Variants in PRDM16 observed in about 807,000 individuals in gnomAD.
The protein encoded by PRDM16 is histone-lysine N-methyltransferase PRDM16.
In PRDM16, 23 loss-of-function variants were observed where a neutral mutation model predicts 110.6. That is an observed-to-expected ratio of 0.21 (90% CI 0.15 to 0.29). PRDM16 has a LOEUF of 0.29. PRDM16 is among the 10% of genes least tolerant of loss of function. The probability of loss-of-function intolerance (pLI) is 1.00; values close to 1 mark genes in which losing one functional copy is unlikely to be tolerated. For missense variants in PRDM16, 1,615 were observed against 1,794.3 expected (o/e 0.90, Z 1.81); for synonymous variants, 799 against 781.8 (o/e 1.02, Z -0.37).
chr1:3,361,830 G>A (rs1026423691), intron 3 of PRDM16, among the ~76,000 whole-genome samples: 1 of 150,416 alleles, frequency 6.6e-6, no homozygotes, highest in Non-Finnish European at 1.5e-5. Context: ...AGAAGTGACT[G>A]TGGCCCAGGA....
chr1:3,422,245 A>C (rs1344513640), intron 12 of PRDM16, among the ~76,000 whole-genome samples: 2 of 150,262 alleles, frequency 1.3e-5, no homozygotes, highest in African/African-American at 4.9e-5. Context: ...GCAGACAGGC[A>C]AGAAGGCAGA....
intron 3 of PRDM16, among the ~76,000 whole-genome samples, chr1:3,337,203 GTCTC>G (rs893283101): frequency 1.3e-5 from 2 of 151,218 alleles, no homozygotes; most frequent in African/African-American, 2.4e-5. Context: ...GTTGGTGTGA[GTCTC>G]TGTGTGTGAA....
chr1:3,102,532 G>A (rs1642557772), intron 1 of PRDM16, among the ~76,000 whole-genome samples: 1 of 152,196 alleles, frequency 6.6e-6, no homozygotes, highest in East Asian at 1.9e-4. Flanking sequence ...TAGACAGGAC[G>A]GCTGGATCTG....
chr1:3,419,181 G>C (rs993751807), intron 12 of PRDM16, among the ~76,000 whole-genome samples: 6 of 152,202 alleles, frequency 3.9e-5, no homozygotes, highest in Non-Finnish European at 8.8e-5. Flanking sequence ...GTGGGCCAGG[G>C]AGTGGGCCAA....
intron 1 of PRDM16, among the ~76,000 whole-genome samples, chr1:3,183,338 G>A (rs1002856309): frequency 1.1e-4 from 17 of 152,246 alleles, no homozygotes; most frequent in African/African-American, 3.4e-4. Context: ...CGGTTGTTCC[G>A]GGGACCCCAG....
At chr1:3,100,314 A>G (rs1642501925) in intron 1 of PRDM16, among the ~76,000 whole-genome samples, 1 of 152,204 alleles carries the variant, frequency 6.6e-6, no homozygotes, top group Non-Finnish European at 1.5e-5. Flanking sequence ...CATAAAACGC[A>G]GAGTGACTTT....
chr1:3,235,158 G>A (rs1281341132), intron 2 of PRDM16, among the ~76,000 whole-genome samples: 1 of 152,228 alleles, frequency 6.6e-6, no homozygotes, highest in African/African-American at 2.4e-5. Flanking sequence ...CTGCGAGGCC[G>A]CCCAGCCGCT....
intron 1 of PRDM16, among the ~76,000 whole-genome samples, chr1:3,158,430 CAAAAT>C (rs1297963695): frequency 1.3e-5 from 2 of 152,204 alleles, no homozygotes; most frequent in Middle Eastern, 3.4e-3. Context: ...AATTTTAAAA[CAAAAT>C]AAAAATCTAA....
Position 3,356,671 on chromosome 1 carries a change from A to T in PRDM16, c.439-28481A>T, listed in dbSNP as rs529462710. The stretch of plus-strand genomic sequence containing the variant: ...CCTGCCCCAGAGCGGCCCCAGGAGG[A>T]GGCACTGTCTCTAAACCCACTTTAC... On this transcript the variant is annotated intron_variant, in intron 3 of 16. Coordinates refer to ENST00000270722, the MANE Select transcript of PRDM16 (RefSeq NM_022114.4). 2.0e-5 allele frequency among the ~76,000 whole-genome samples: 3 copies of T among 152,252 alleles called. No homozygotes were observed. The East Asian group carries it at 5.8e-4, about 29-fold the overall frequency.
At chr1:3,195,225 C>T (rs759155726) in intron 2 of PRDM16, among the ~76,000 whole-genome samples, 1 of 152,176 alleles carries the variant, frequency 6.6e-6, no homozygotes, top group African/African-American at 2.4e-5. Context: ...CCGGCAGTGC[C>T]GTGGAGGAGT....
At chr1:3,152,622 G>A (rs1304931118) in intron 1 of PRDM16, among the ~76,000 whole-genome samples, 1 of 152,226 alleles carries the variant, frequency 6.6e-6, no homozygotes, top group Non-Finnish European at 1.5e-5. Context: ...TGCTCAGGAA[G>A]TTACACTTCC....
intron 8 of PRDM16, among the ~76,000 whole-genome samples, chr1:3,408,921 TG>T (rs1336920879): frequency 7.2e-6 from 1 of 138,862 alleles, no homozygotes; most frequent in African/African-American, 2.8e-5. Context: ...TGTGAGCCAG[TG>T]CTTGTGTTGG....
intron 3 of PRDM16, among the ~76,000 whole-genome samples, chr1:3,376,169 C>G (rs1642987213): frequency 1.3e-5 from 2 of 152,170 alleles, no homozygotes; most frequent in South Asian, 4.1e-4. Flanking sequence ...GGGAGAGGGT[C>G]TGTGACCCCT....
intron 3 of PRDM16, among the ~76,000 whole-genome samples, chr1:3,357,699 G>A (rs545105806): frequency 2.0e-5 from 3 of 152,314 alleles, no homozygotes; most frequent in Non-Finnish European, 2.9e-5. Context: ...CTCTGCCTCC[G>A]GAGCAGTGGC....
rs116224081 is a variant in PRDM16 at position 3,228,141 on chromosome 1, G to A, written c.388-15946G>A. On this transcript the variant is annotated intron_variant, in intron 2 of 16. Transcript: ENST00000270722. The stretch of plus-strand genomic sequence containing the variant: ...GGGGGTCCTCCCTCTTCTGAAGAGA[G>A]TCCCCGGAGGGATGTGTCCAGTGTG... Among the ~76,000 whole-genome samples, 204 of 152,386 alleles carry A rather than the reference G, an allele frequency of 1.3e-3. 2 individuals carry two copies. Among genetic ancestry groups the A allele is most frequent in the African/African-American group, 4.9e-3 (202 of 41,602 alleles).
intron 12 of PRDM16, among the ~76,000 whole-genome samples, chr1:3,423,987 C>T (rs1166728789): frequency 6.6e-6 from 1 of 152,146 alleles, no homozygotes; most frequent in South Asian, 2.1e-4. Context: ...AGTGTGCACA[C>T]ACAGGCATGG....
chr1:3,173,688 C>T (rs1469323228), intron 1 of PRDM16, among the ~76,000 whole-genome samples: 1 of 152,236 alleles, frequency 6.6e-6, no homozygotes, highest in Admixed American at 6.5e-5. Context: ...GTTTGCCCTT[C>T]CCCTTGGCAG....
In PRDM16 at chr1:3,405,536, G is replaced by A. The variant is rs767835445; in HGVS notation, c.1074G>A (p.Ser358=). 2.7e-5 allele frequency: 44 copies of A among 1,604,052 alleles called. No homozygotes were observed. Among genetic ancestry groups the A allele is most frequent in the Non-Finnish European group, 3.2e-5 (38 of 1,175,826 alleles). ...GCAACCTTCAGCGGCACATCCGCTC[G>A]CAGCACGTGGGCGCTCGGGCCCACG... ...DPSNLQRHIR[S]QHVGARAHAC... is the part of the protein sequence containing the mutation. Residue 358 remains serine (S), a synonymous_variant, in exon 8 of 17, where the codon TCG becomes TCA. Transcript: ENST00000270722.
chr1:3,291,006 A>G (rs964092347), intron 3 of PRDM16, among the ~76,000 whole-genome samples: 12 of 151,758 alleles, frequency 7.9e-5, no homozygotes, highest in Admixed American at 7.2e-4. Flanking sequence ...GGGGCCTGGG[A>G]GAGGCCATCC....
Sources: gnomAD v4.1 joint callset for allele counts (sites outside exome capture counted in the v4.1 genomes callset) on GRCh38, gnomAD v4.1.1 for gene constraint, MANE v1.5 for transcripts, NCBI Gene and HGNC (gene_info 2026-07-23, HGNC 2026-07-21) for gene names.